Variants in FRAS1 observed in about 807,000 individuals in gnomAD.
FRAS1 encodes extracellular matrix organizing protein FRAS1.
Under a neutral mutation model 435.2 loss-of-function variants are expected in FRAS1, and 290 were observed. The ratio of observed to expected loss-of-function variants is 0.67; its 90% CI spans 0.61 to 0.73. The LOEUF is 0.73. FRAS1 is among the 30% of genes least tolerant of loss of function. The probability of loss-of-function intolerance (pLI) is 0.00; values close to 1 mark genes in which losing one functional copy is unlikely to be tolerated. For synonymous variants in FRAS1, 1,800 were observed against 1,851.0 expected (o/e 0.97, Z 0.71); for missense variants, 4,860 against 5,001.5 (o/e 0.97, Z 0.85).
At position 78,266,868 on chromosome 4, in the gene FRAS1, C is replaced by T. The variant is rs568123638; in HGVS notation, c.722C>T (p.Thr241Met). 30 of 1,607,446 alleles carry T rather than the reference C, an allele frequency of 1.9e-5. No individual in the cohort carries two copies. The South Asian group carries it at 2.5e-4, about 13-fold the overall frequency. Residue 241 changes from threonine (T) to methionine (M), a missense_variant, in exon 8 of 74, where the codon ACG becomes ATG. Physicochemically the swap from Thr to Met is moderately conservative, Grantham distance 81 (BLOSUM62 -1). Coordinates refer to ENST00000512123, the MANE Select transcript of FRAS1 (RefSeq NM_025074.7). ...GEQWSENACT[T>M]CICDRGEVRC... ...CAGTGGAGCGAAAATGCCTGCACCA[C>T]GTGTATATGTGACCGGGGTGAGGTC... is the stretch of plus-strand genomic sequence containing the variant.
chr4:78,485,247 GTAAATTT>G (rs754100714), intron 58 of FRAS1, among the ~76,000 whole-genome samples: 19 of 152,152 alleles, frequency 1.2e-4, no homozygotes, highest in Non-Finnish European at 2.4e-4. Flanking sequence ...CTGGCACACA[GTAAATTT>G]TATTACATGT....
chr4:78,369,454 G>T (rs77836230), intron 22 of FRAS1, among the ~76,000 whole-genome samples: 5,169 of 152,196 alleles, frequency 0.034, 307 homozygotes, highest in African/African-American at 0.12. Context: ...TTTTAATGTT[G>T]CCATCACACA....
intron 2 of FRAS1, among the ~76,000 whole-genome samples, chr4:78,078,155 T>C (rs1157432182): frequency 6.6e-6 from 1 of 152,206 alleles, no homozygotes; most frequent in Non-Finnish European, 1.5e-5. Flanking sequence ...TTATTCATTA[T>C]GGATAGACTA....
At chr4:78,360,093 C>A (rs1731019610) in intron 20 of FRAS1, among the ~76,000 whole-genome samples, 1 of 152,112 alleles carries the variant, frequency 6.6e-6, no homozygotes, top group Non-Finnish European at 1.5e-5. Flanking sequence ...TGTGAGGAAC[C>A]CATATATTTA....
intron 29 of FRAS1, among the ~76,000 whole-genome samples, chr4:78,391,597 C>CT (rs915898465): frequency 2.0e-5 from 3 of 152,092 alleles, no homozygotes; most frequent in Admixed American, 2.0e-4. Flanking sequence ...GAAATCATGC[C>CT]TTTTTTTTCC....
intron 32 of FRAS1, among the ~76,000 whole-genome samples, chr4:78,417,891 T>C (rs1578311118): frequency 6.6e-6 from 1 of 152,204 alleles, no homozygotes; most frequent in Admixed American, 6.5e-5. Flanking sequence ...GAAGAGCCCA[T>C]GATGAGCTGG....
chr4:78,066,253 G>C (rs916538016), intron 2 of FRAS1, among the ~76,000 whole-genome samples: 1 of 152,136 alleles, frequency 6.6e-6, no homozygotes, highest in Non-Finnish European at 1.5e-5. Flanking sequence ...CTCAACACAC[G>C]ATTTACATTC....
chr4:78,516,130 G>A (rs999303791), intron 66 of FRAS1, 117 bp downstream of exon 66: 9 of 731,980 alleles, frequency 1.2e-5, no homozygotes, highest in Admixed American at 6.2e-5. Context: ...ACCAACTAAG[G>A]GAGTCTTCTT....
chr4:78,429,112 A>G lies in FRAS1; in HGVS notation c.4729A>G (p.Thr1577Ala), dbSNP rs183594682. 4 of 1,557,328 alleles carry G rather than the reference A, an allele frequency of 2.6e-6. No homozygotes were observed. In the Admixed American group the frequency reaches 7.8e-5, roughly 30 times the overall value. The change falls in exon 36 of 74, where the codon ACA becomes GCA. Residue 1577 changes from threonine to alanine, a missense_variant. By Grantham distance (58) the Thr-to-Ala change is moderately conservative. Coordinates refer to ENST00000512123, the MANE Select transcript of FRAS1 (RefSeq NM_025074.7). ...CTTTTTAGTTTCAGATGGAGAACACACAAGTCCGGAGATGGTCCTCACCAT... is the reference window on the plus strand; with the variant it reads ...CTTTTTAGTTTCAGATGGAGAACACGCAAGTCCGGAGATGGTCCTCACCAT... Reference protein sequence around the residue: ...FHFTVSDGEHTSPEMVLTIHL... With the variant: ...FHFTVSDGEHASPEMVLTIHL...
chr4:78,131,527 T>C (rs1719682893), intron 2 of FRAS1, among the ~76,000 whole-genome samples: 1 of 152,222 alleles, frequency 6.6e-6, no homozygotes, highest in South Asian at 2.1e-4. Context: ...GGAATGACTA[T>C]TGTGTTAAAA....
intron 2 of FRAS1, among the ~76,000 whole-genome samples, chr4:78,100,325 A>T (rs1021513021): frequency 1.3e-5 from 2 of 152,194 alleles, no homozygotes; most frequent in Non-Finnish European, 2.9e-5. Flanking sequence ...TTAGAAAACC[A>T]CTTCTCTGAG....
At chr4:78,111,627 A>C (rs1259923676) in intron 2 of FRAS1, among the ~76,000 whole-genome samples, 1 of 108,272 alleles carries the variant, frequency 9.2e-6, no homozygotes, top group African/African-American at 3.6e-5. Context: ...GGGGAGGGAT[A>C]GCATTGGGAG....
At chr4:78,115,348 T>G (rs1014855277) in intron 2 of FRAS1, among the ~76,000 whole-genome samples, 23 of 152,166 alleles carry the variant, frequency 1.5e-4, no homozygotes, top group African/African-American at 5.5e-4. Context: ...CCTCATAAAA[T>G]AACTTAGGGA....
In FRAS1 at chr4:78,252,466, A is replaced by G. The variant is rs566690413; in HGVS notation, c.384A>G (p.Gln128=). Residue 128 remains glutamine (Q), a synonymous_variant, in exon 5 of 74, where the codon CAA becomes CAG. Coordinates refer to ENST00000512123, the MANE Select transcript of FRAS1 (RefSeq NM_025074.7). ...ATGGGGAAGTCCGATGTACCCCCCA[A>G]CCATGCCCACCGCTGTCATGTGGAC... ...CNHGEVRCTP[Q]PCPPLSCGHQ... is the part of the protein sequence containing the mutation. The G allele has an allele frequency of 1.6e-5, 26 of 1,613,708 alleles. 1 individual carries two copies. The highest frequency in any genetic ancestry group is 3.3e-5 in the South Asian group (3 of 91,066).
At chr4:78,161,400 C>G (rs558400618) in intron 2 of FRAS1, among the ~76,000 whole-genome samples, 31 of 152,052 alleles carry the variant, frequency 2.0e-4, no homozygotes, top group Admixed American at 9.2e-4. Flanking sequence ...GCTGTGTGGC[C>G]TGGGCAGTTA....
chr4:78,086,345 C>T (rs1436449574), intron 2 of FRAS1, among the ~76,000 whole-genome samples: 2 of 152,100 alleles, frequency 1.3e-5, no homozygotes, highest in African/African-American at 4.8e-5. Context: ...AATTGACACT[C>T]TAACATCACA....
intron 23 of FRAS1, among the ~76,000 whole-genome samples, chr4:78,371,001 G>T (rs893618872): frequency 6.6e-6 from 1 of 151,654 alleles, no homozygotes; most frequent in Non-Finnish European, 1.5e-5. Flanking sequence ...CTGCAAAATT[G>T]CACACTTTCC....
intron 2 of FRAS1, among the ~76,000 whole-genome samples, chr4:78,136,825 T>A (rs1320846891): frequency 2.0e-5 from 3 of 152,188 alleles, no homozygotes; most frequent in Non-Finnish European, 4.4e-5. Flanking sequence ...ATGATGACAC[T>A]AAATAGCTCT....
At position 78,224,361 on chromosome 4, in the gene FRAS1, T is replaced by C. The variant is rs1205138598; in HGVS notation, c.109-13149T>C. On this transcript the variant is annotated intron_variant, in intron 2 of 73. Coordinates refer to ENST00000512123, the MANE Select transcript of FRAS1 (RefSeq NM_025074.7). ...TTGTTTTATAAAACAGTAGTGGTAA[T>C]AACTACTTCATAGTATTTTTATGAG... 4.6e-5 allele frequency among the ~76,000 whole-genome samples: 7 copies of C among 152,366 alleles called. 1 individual carries two copies. The East Asian group carries it at 7.7e-4, about 17-fold the overall frequency.
Sources: gnomAD v4.1 joint callset for allele counts (sites outside exome capture counted in the v4.1 genomes callset) on GRCh38, gnomAD v4.1.1 for gene constraint, MANE v1.5 for transcripts, NCBI Gene and HGNC (gene_info 2026-07-23, HGNC 2026-07-21) for gene names.